The following CBFB variants were observed in gnomAD, a reference collection of about 807,000 sequenced individuals.
CBFB encodes CBF-beta.
Under a neutral mutation model 30.4 loss-of-function variants are expected in CBFB, and 9 were observed. The ratio of observed to expected loss-of-function variants is 0.30; its 90% CI spans 0.18 to 0.52. The LOEUF (loss-of-function observed/expected upper bound fraction) is 0.52. CBFB is among the 20% of genes least tolerant of loss of function. The probability of loss-of-function intolerance (pLI) is 0.97; values close to 1 mark genes in which losing one functional copy is unlikely to be tolerated. For missense variants in CBFB, 170 were observed against 244.0 expected, an observed-to-expected ratio of 0.70 and a Z score of 2.02; for synonymous variants, 94 against 84.0, an observed-to-expected ratio of 1.12 and a Z score of -0.65.
intron 3 of CBFB, among the ~76,000 whole-genome samples, chr16:67,039,180 T>C (rs1966491150): frequency 6.6e-6 from 1 of 152,218 alleles, no homozygotes; most frequent in South Asian, 2.1e-4. Context: ...CTATCTGGTA[T>C]AGTCTGTTGC....
At chr16:67,051,332 A>AAAACAC (rs1292341065) in intron 3 of CBFB, among the ~76,000 whole-genome samples, 1 of 152,214 alleles carries the variant, frequency 6.6e-6, no homozygotes, top group Non-Finnish European at 1.5e-5. Flanking sequence ...GATGTGTGAA[A>AAAACAC]AAACACAAAC....
chr16:67,090,561 T>C (rs576472471), intron 5 of CBFB, among the ~76,000 whole-genome samples: 1 of 152,336 alleles, frequency 6.6e-6, no homozygotes, highest in South Asian at 2.1e-4. Context: ...GATAGCAACT[T>C]GTACACTAGT....
At chr16:67,051,580 CAACTT>C (rs1047455436) in intron 3 of CBFB, among the ~76,000 whole-genome samples, 11 of 151,740 alleles carry the variant, frequency 7.2e-5, no homozygotes, top group Non-Finnish European at 1.0e-4. Flanking sequence ...GTATTTCTAT[CAACTT>C]AACTAAATTA....
rs899071618 is a variant in CBFB at position 67,063,376 on chromosome 16, G to C, written c.283-3306G>C. 5.3e-5 allele frequency among the ~76,000 whole-genome samples: 8 copies of C among 152,176 alleles called. 1 individual carries two copies. The highest frequency in any genetic ancestry group is 1.9e-4 in the African/African-American group (8 of 41,444). On this transcript the variant is annotated intron_variant, in intron 3 of 5. Transcript: ENST00000412916. ...TTGTGGTTTATTGCAGCCCTTAGCAGAAATGATTGGGTTCAGTAGTGAAGG... is the reference window on the plus strand; with the variant it reads ...TTGTGGTTTATTGCAGCCCTTAGCACAAATGATTGGGTTCAGTAGTGAAGG...
At chr16:67,081,821 CT>C (rs576128198) in intron 4 of CBFB, among the ~76,000 whole-genome samples, 34 of 142,410 alleles carry the variant, frequency 2.4e-4, no homozygotes, top group Middle Eastern at 3.6e-3. Context: ...GATGCTGTTT[CT>C]TTTTTTTTTT....
At chr16:67,034,018 TG>T (rs1212940917) in intron 2 of CBFB, among the ~76,000 whole-genome samples, 1 of 151,692 alleles carries the variant, frequency 6.6e-6, no homozygotes, top group Non-Finnish European at 1.5e-5. Flanking sequence ...TTAGTAGAGG[TG>T]GGGTTTCACT....
At chr16:67,035,149 G>A (rs1019317133) in intron 2 of CBFB, among the ~76,000 whole-genome samples, 1 of 151,902 alleles carries the variant, frequency 6.6e-6, no homozygotes, top group Non-Finnish European at 1.5e-5. Flanking sequence ...GTGCAATCTC[G>A]GCTGACTGCA....
intron 3 of CBFB, among the ~76,000 whole-genome samples, chr16:67,064,628 G>A (rs529113938): frequency 2.0e-5 from 3 of 152,056 alleles, no homozygotes; most frequent in African/African-American, 7.2e-5. Flanking sequence ...ATTCACCTCA[G>A]GATGATAGAA....
chr16:67,059,690 G>T (rs192102869), intron 3 of CBFB, among the ~76,000 whole-genome samples: 1 of 152,162 alleles, frequency 6.6e-6, no homozygotes, highest in Non-Finnish European at 1.5e-5. Context: ...GCCCTGCTGG[G>T]GTTTTTTCTT....
At chr16:67,081,429 T>C (rs924794291) in intron 4 of CBFB, among the ~76,000 whole-genome samples, 1 of 152,014 alleles carries the variant, frequency 6.6e-6, no homozygotes, top group African/African-American at 2.4e-5. Flanking sequence ...TGTCCAACAA[T>C]GATAGACTGG....
chr16:67,081,251 A>G (rs929845300), intron 4 of CBFB, among the ~76,000 whole-genome samples: 1 of 151,212 alleles, frequency 6.6e-6, no homozygotes, highest in Non-Finnish European at 1.5e-5. Context: ...TCTTGGCGAT[A>G]GTTTACTGAG....
chr16:67,029,357 G>T lies in CBFB; in HGVS notation c.-51G>T, dbSNP rs1357548380. The T allele has an allele frequency of 1.4e-5, 18 of 1,328,780 alleles. No individual in the cohort carries two copies. Among genetic ancestry groups the T allele is most frequent in the Non-Finnish European group, 1.7e-5 (17 of 1,008,694 alleles). The allele number at this position is 1,328,780 out of a possible 1,614,324, so 82.3% of individuals were successfully genotyped here. ...GTCAGCGCGGAGCCAGCCAGCGGGT[G>T]CCCGCGCAAGCCCCGAGCGCGGCCG... On this transcript the variant is annotated 5_prime_UTR_variant, in exon 1 of 6. Coordinates refer to ENST00000412916, the MANE Select transcript of CBFB (RefSeq NM_022845.3).
intron 5 of CBFB, among the ~76,000 whole-genome samples, chr16:67,087,274 T>G (rs562411919): frequency 1.5e-3 from 222 of 152,348 alleles, no homozygotes; most frequent in African/African-American, 5.1e-3. Flanking sequence ...AAGAATTTTC[T>G]ATTCTAAATT....
At chr16:67,078,427 T>TC (rs1478316124) in intron 4 of CBFB, among the ~76,000 whole-genome samples, 2 of 152,008 alleles carry the variant, frequency 1.3e-5, no homozygotes, top group Non-Finnish European at 2.9e-5. Context: ...ACACCTGTAG[T>TC]CCCTGCTACT....
In CBFB at chr16:67,029,225, C is replaced by T; in HGVS notation, c.-183C>T. On this transcript the variant is annotated 5_prime_UTR_variant, in exon 1 of 6. Transcript: ENST00000412916. ...CGGCGGCGGCGGCGTGGGTTGGGCT[C>T]GAGCGGGCGGCGGCGCCTCAGACTC... The T allele has an allele frequency of 3.4e-6, 1 of 297,500 alleles. No homozygotes were observed. The highest frequency in any genetic ancestry group is 5.9e-6 in the Non-Finnish European group (1 of 170,248). The allele number at this position is 297,500 out of a possible 1,614,324, so 18.4% of individuals were successfully genotyped here.
intron 5 of CBFB, among the ~76,000 whole-genome samples, chr16:67,089,677 G>A (rs1961829659): frequency 6.6e-6 from 1 of 152,160 alleles, no homozygotes; most frequent in African/African-American, 2.4e-5. Context: ...TCCCTCTGGT[G>A]TCCCTGGGGG....
intron 3 of CBFB, among the ~76,000 whole-genome samples, chr16:67,045,944 C>G (rs1283643870): frequency 6.6e-6 from 1 of 151,560 alleles, no homozygotes; most frequent in African/African-American, 2.4e-5. Context: ...TACAGGCACC[C>G]GCCACCACAC....
intron 3 of CBFB, among the ~76,000 whole-genome samples, chr16:67,037,517 CT>C (rs907832672): frequency 4.6e-5 from 7 of 151,038 alleles, no homozygotes; most frequent in African/African-American, 7.3e-5. Flanking sequence ...CTTGGAAATA[CT>C]TTTTTTTTGT....
chr16:67,089,274 G>T (rs1019975576), intron 5 of CBFB, among the ~76,000 whole-genome samples: 12 of 151,986 alleles, frequency 7.9e-5, no homozygotes, highest in Non-Finnish European at 1.6e-4. Context: ...TACTCTCTGG[G>T]TATTTTTCCT....
Sources: allele counts gnomAD v4.1 joint callset (sites outside exome capture counted in the v4.1 genomes callset), GRCh38; gene constraint gnomAD v4.1.1; transcripts MANE v1.5; gene names NCBI Gene and HGNC (gene_info 2026-07-23, HGNC 2026-07-21).